CMYA5: variants seen among roughly 807,000 people sequenced by gnomAD.
The protein encoded by CMYA5 is cardiomyopathy-associated protein 5.
CMYA5 carries 246 observed loss-of-function variants against 318.9 expected under a neutral mutation model. That is an observed-to-expected ratio of 0.77 (90% CI 0.70 to 0.86). The LOEUF (loss-of-function observed/expected upper bound fraction) is 0.86, where lower values mean the gene tolerates loss of function less well. Ranked by LOEUF, CMYA5 falls within the 40% of genes least tolerant of loss-of-function variation. The probability of loss-of-function intolerance (pLI) is 0.00; values close to 1 mark genes in which losing one functional copy is unlikely to be tolerated. For missense variants in CMYA5, 4,589 were observed against 4,678.2 expected (o/e 0.98, Z 0.56); for synonymous variants, 1,641 against 1,729.5 (o/e 0.95, Z 1.27).
At chr5:79,772,547 T>G (rs1828874435) in intron 9 of CMYA5, among the ~76,000 whole-genome samples, 2 of 152,228 alleles carry the variant, frequency 1.3e-5, no homozygotes, top group South Asian at 4.1e-4. Context: ...AGGAAAAAAT[T>G]TATTGGCCAC....
chr5:79,690,631 A>G (rs1826953234), intron 1 of CMYA5, among the ~76,000 whole-genome samples: 1 of 152,170 alleles, frequency 6.6e-6, no homozygotes, highest in Non-Finnish European at 1.5e-5. Flanking sequence ...ATGAAGTAAT[A>G]CTATGTACAA....
chr5:79,713,742 T>C (rs185499095), intron 1 of CMYA5, among the ~76,000 whole-genome samples: 3 of 152,306 alleles, frequency 2.0e-5, no homozygotes, highest in Non-Finnish European at 4.4e-5. Context: ...TGGGTCATGT[T>C]AACACCTTTA....
At chr5:79,749,307 C>A (rs1203160819) in intron 5 of CMYA5, among the ~76,000 whole-genome samples, 2 of 152,194 alleles carry the variant, frequency 1.3e-5, no homozygotes, top group Non-Finnish European at 2.9e-5. Flanking sequence ...CACGTGCACA[C>A]ACTTGATGAA....
intron 1 of CMYA5, among the ~76,000 whole-genome samples, chr5:79,713,342 A>C (rs1827441147): frequency 8.2e-6 from 1 of 121,466 alleles, no homozygotes; most frequent in African/African-American, 3.1e-5. Context: ...CTTAGCTCCT[A>C]ATGTCAATAG....
chr5:79,733,163 A>G lies in CMYA5; in HGVS notation c.4398A>G (p.Lys1466=). 1 of 1,613,856 alleles carries G rather than the reference A, an allele frequency of 6.2e-7. No individual in the cohort carries two copies. Among genetic ancestry groups the G allele is most frequent in the South Asian group, 1.1e-5 (1 of 91,064 alleles). The part of the protein sequence containing the change: ...EHSVLSEVEA[K]EVKAGLPVIK... ...CTGTTTTGTCAGAAGTAGAAGCCAA[A>G]GAAGTTAAAGCTGGGTTGCCAGTAA... The change falls in exon 2 of 13, where the codon AAA becomes AAG. Residue 1466 remains lysine, a synonymous_variant. Transcript: ENST00000446378.
chr5:79,756,216 C>T (rs1418054034), intron 6 of CMYA5, among the ~76,000 whole-genome samples: 1 of 150,300 alleles, frequency 6.7e-6, no homozygotes, highest in Admixed American at 6.7e-5. Flanking sequence ...GGGTCTCTGA[C>T]CCGTGATCAG....
At position 79,799,559 on chromosome 5, in the gene CMYA5, T is replaced by C; in HGVS notation, c.12153T>C (p.Pro4051=). The C allele has an allele frequency of 6.2e-7, 1 of 1,613,986 alleles. No homozygotes were observed. Among genetic ancestry groups the C allele is most frequent in the South Asian group, 1.1e-5 (1 of 91,070 alleles). Residue 4051 remains proline, a synonymous_variant, in exon 13 of 13, where the codon CCT becomes CCC. Coordinates refer to ENST00000446378, the MANE Select transcript of CMYA5 (RefSeq NM_153610.5). ...GVHPAFALEK[P]GKCTLHLGIE... is the part of the protein sequence containing the mutation. ...ACCCTGCCTTTGCCCTGGAGAAACC[T>C]GGAAAATGTACTTTGCACCTGGGGA...
intron 9 of CMYA5, among the ~76,000 whole-genome samples, chr5:79,787,128 C>T (rs1379028838): frequency 6.6e-6 from 1 of 152,210 alleles, no homozygotes; most frequent in African/African-American, 2.4e-5. Flanking sequence ...TGCTGTTTAA[C>T]AACTGTGTTG....
At chr5:79,745,123 A>G in intron 3 of CMYA5, 99 bp from the exon 4 acceptor site, 1 of 712,244 alleles carries the variant, frequency 1.4e-6, no homozygotes, top group South Asian at 1.9e-5. Flanking sequence ...TCAGGATGCC[A>G]GAGGTCAATT....
chr5:79,727,404 C>T (rs954282041), intron 1 of CMYA5, among the ~76,000 whole-genome samples: 10 of 152,138 alleles, frequency 6.6e-5, no homozygotes, highest in African/African-American at 2.4e-4. Context: ...TTAAGGACCT[C>T]TGATATATGC....
chr5:79,770,808 TATG>T (rs1828842286), intron 9 of CMYA5, among the ~76,000 whole-genome samples: 1 of 152,140 alleles, frequency 6.6e-6, no homozygotes, highest in African/African-American at 2.4e-5. Flanking sequence ...TTTATTTAGT[TATG>T]ATGTGAAATT....
intron 6 of CMYA5, among the ~76,000 whole-genome samples, chr5:79,755,386 A>G (rs1828507841): frequency 1.3e-5 from 2 of 152,090 alleles, no homozygotes. Flanking sequence ...TCCCGGGTTC[A>G]AGCCATTCTT....
intron 1 of CMYA5, among the ~76,000 whole-genome samples, chr5:79,703,821 A>ATGCCCTAGG (rs1561627983): frequency 1.3e-5 from 2 of 152,244 alleles, no homozygotes; most frequent in African/African-American, 4.8e-5. Context: ...GGCCGGGAAC[A>ATGCCCTAGG]GTGGCACATG....
chr5:79,721,891 C>T (rs928458437), intron 1 of CMYA5, among the ~76,000 whole-genome samples: 3 of 152,106 alleles, frequency 2.0e-5, no homozygotes, highest in African/African-American at 7.2e-5. Context: ...AATGTTAACA[C>T]ATTTCTCAGT....
chr5:79,693,770 G>T (rs1166460469), intron 1 of CMYA5, among the ~76,000 whole-genome samples: 1 of 152,184 alleles, frequency 6.6e-6, no homozygotes, highest in Non-Finnish European at 1.5e-5. Flanking sequence ...AGACTTCCTA[G>T]GCACAAGGAA....
Position 79,735,960 on chromosome 5 carries a change from A to T in CMYA5, c.7195A>T (p.Asn2399Tyr). 1.9e-6 allele frequency: 3 copies of T among 1,612,654 alleles called. No homozygotes were observed. The highest frequency in any genetic ancestry group is 2.5e-6 in the Non-Finnish European group (3 of 1,179,498). Residue 2399 changes from asparagine to tyrosine, a missense_variant, in exon 2 of 13, where the codon AAT (asparagine) becomes TAT (tyrosine). Asn to Tyr is a moderately radical substitution (Grantham distance 143). This residue lies in a region of CMYA5 where 2,431 missense variants were observed against 2,495.1 expected (regional missense o/e 0.97). Transcript: ENST00000446378. Reference sequence around the variant, plus strand: ...AGCTTCCTCCAACTTTGCAAGTAAAAATATCACAAAGGAATCAGAGAAACC... The same window carrying T: ...AGCTTCCTCCAACTTTGCAAGTAAATATATCACAAAGGAATCAGAGAAACC... ...KSASSNFASKNITKESEKPES... is the reference protein window; with the variant it reads ...KSASSNFASKYITKESEKPES...
chr5:79,757,080 A>G (rs910120243), intron 6 of CMYA5, among the ~76,000 whole-genome samples: 3 of 151,854 alleles, frequency 2.0e-5, no homozygotes, highest in Non-Finnish European at 4.4e-5. Context: ...CTGTAATCCC[A>G]GCTACTAGGG....
At chr5:79,760,339 G>A (rs539260641) in intron 7 of CMYA5, among the ~76,000 whole-genome samples, 2 of 152,250 alleles carry the variant, frequency 1.3e-5, no homozygotes, top group East Asian at 3.9e-4. Flanking sequence ...AGGGTCTCTA[G>A]TCACATATGT....
Position 79,730,670 on chromosome 5 carries a change from T to G in CMYA5, c.1905T>G (p.Asn635Lys). Residue 635 changes from asparagine to lysine, a missense_variant, in exon 2 of 13, where the codon AAT becomes AAG. By Grantham distance (94) the Asn-to-Lys change is moderately conservative. This residue lies in a region of CMYA5 where 2,132 missense variants were observed against 2,131.3 expected (regional missense o/e 1.00). Transcript: ENST00000446378. ...AEHAVLSEEE[N>K]EEFEAYSPAA... is the part of the protein sequence containing the mutation. ...ATGCAGTTTTGTCAGAAGAAGAGAA[T>G]GAGGAATTTGAGGCTTATTCCCCAG... 1.2e-6 allele frequency: 2 copies of G among 1,613,970 alleles called. No individual in the cohort carries two copies. The highest frequency in any genetic ancestry group is 2.2e-5 in the South Asian group (2 of 91,084).
Sources: allele counts gnomAD v4.1 joint callset (sites outside exome capture counted in the v4.1 genomes callset), GRCh38; gene constraint gnomAD v4.1.1; regional missense constraint gnomAD v4.1.1; transcripts MANE v1.5; gene names NCBI Gene and HGNC (gene_info 2026-07-23, HGNC 2026-07-21).